Variants in RASA1 observed in about 807,000 individuals in gnomAD.
RASA1 encodes the protein RAS p21 protein activator 1.
In RASA1, 25 loss-of-function variants were observed where a neutral mutation model predicts 132.2. The observed-to-expected ratio is 0.19, with a 90% CI of 0.14 to 0.26. The LOEUF is 0.26. RASA1 is among the 10% of genes least tolerant of loss of function. The pLI, the probability that RASA1 is intolerant of heterozygous loss-of-function variation, is 1.00. For missense variants in RASA1, 964 were observed against 1,299.2 expected, an observed-to-expected ratio of 0.74 and a Z score of 3.97; for synonymous variants, 477 against 449.9, an observed-to-expected ratio of 1.06 and a Z score of -0.76.
intron 4 of RASA1, among the ~76,000 whole-genome samples, chr5:87,335,028 G>A (rs943535182): frequency 2.0e-5 from 3 of 152,094 alleles, no homozygotes; most frequent in African/African-American, 7.2e-5. Context: ...AATTACAGGC[G>A]TGTGTCACCA....
chr5:87,389,593 A>C, intron 24 of RASA1, 66 bp downstream of exon 24: 1 of 1,574,508 alleles, frequency 6.4e-7, no homozygotes, highest in Non-Finnish European at 8.7e-7. Context: ...GTTAATAAAT[A>C]GCTGAATTCT....
intron 15 of RASA1, 53 bp from the exon 16 acceptor site, chr5:87,376,340 A>T (rs1761325046): frequency 1.3e-6 from 2 of 1,595,226 alleles, no homozygotes; most frequent in Non-Finnish European, 1.7e-6. Context: ...TACTTGCATG[A>T]CTAATTATCG....
chr5:87,352,476 T>A (rs1434414363), intron 8 of RASA1, among the ~76,000 whole-genome samples: 1 of 151,790 alleles, frequency 6.6e-6, no homozygotes, highest in Non-Finnish European at 1.5e-5. Flanking sequence ...TCTTACTGAT[T>A]ATAGAGAAAC....
rs921723590 is a variant in RASA1, at chr5:87,364,157, T to C, written c.1610+653T>C. Among the ~76,000 whole-genome samples the C allele has an allele frequency of 7.9e-5, 12 of 152,102 alleles. No individual in the cohort carries two copies. In the South Asian group the frequency reaches 1.2e-3, roughly 16 times the overall value. ...CCATTTTTATTACCTATTGTTATGA[T>C]TAGTAAGAGAAAAGACAGTTAAATG... On this transcript the variant is annotated intron_variant, in intron 11 of 24. Transcript: ENST00000274376.
At chr5:87,366,790 G>A (rs1344042724) in intron 11 of RASA1, among the ~76,000 whole-genome samples, 1 of 152,162 alleles carries the variant, frequency 6.6e-6, no homozygotes, top group Non-Finnish European at 1.5e-5. Context: ...CCAGCACTTC[G>A]GGAGCCCAAG....
At chr5:87,318,889 C>T (rs1384844754) in intron 1 of RASA1, 3 of 152,220 alleles carry the variant, frequency 2.0e-5, no homozygotes, top group East Asian at 1.9e-4. Context: ...GTCCATTCCA[C>T]CTATGAGCCT....
intron 1 of RASA1, among the ~76,000 whole-genome samples, chr5:87,330,117 A>AT (rs1231227770): frequency 6.6e-6 from 1 of 152,132 alleles, no homozygotes; most frequent in Non-Finnish European, 1.5e-5. Context: ...TAAGTTCATT[A>AT]TTTTCAGCCT....
At chr5:87,312,211 T>C (rs1428851959) in intron 1 of RASA1, among the ~76,000 whole-genome samples, 1 of 152,224 alleles carries the variant, frequency 6.6e-6, no homozygotes, top group Non-Finnish European at 1.5e-5. Flanking sequence ...ATTTAACTTA[T>C]ATGTAACTTT....
At chr5:87,317,213 T>C (rs531699139) in intron 1 of RASA1, among the ~76,000 whole-genome samples, 5 of 152,298 alleles carry the variant, frequency 3.3e-5, no homozygotes, top group African/African-American at 1.2e-4. Context: ...ACTTCATCTG[T>C]ACTTTTATTA....
chr5:87,301,164 T>C (rs144605281), intron 1 of RASA1, among the ~76,000 whole-genome samples: 2 of 152,236 alleles, frequency 1.3e-5, no homozygotes, highest in African/African-American at 4.8e-5. Flanking sequence ...CACATTGTTA[T>C]AAAGTGTTTA....
At chr5:87,277,005 A>AT (rs961915180) in intron 1 of RASA1, among the ~76,000 whole-genome samples, 88 of 151,478 alleles carry the variant, frequency 5.8e-4, no homozygotes, top group African/African-American at 1.6e-3. Flanking sequence ...TTTATAATTC[A>AT]TTTTTTTTTA....
intron 1 of RASA1, among the ~76,000 whole-genome samples, chr5:87,283,332 A>G (rs931431135): frequency 6.6e-6 from 1 of 151,954 alleles, no homozygotes; most frequent in Admixed American, 6.6e-5. Context: ...TCTAATACAC[A>G]TCAACATTAA....
chr5:87,332,500 C>G lies in RASA1; in HGVS notation c.693-7C>G. ...TTTTTATACTGTATTTTTTCCTGTTCAAATAGGATTATTGCTATGTGTGGA... is the reference window on the plus strand; with the variant it reads ...TTTTTATACTGTATTTTTTCCTGTTGAAATAGGATTATTGCTATGTGTGGA... On this transcript the variant is annotated splice_polypyrimidine_tract_variant and splice_region_variant and intron_variant, in intron 2 of 24. Coordinates refer to ENST00000274376, the MANE Select transcript of RASA1 (RefSeq NM_002890.3). 2 of 1,603,902 alleles carry G rather than the reference C, an allele frequency of 1.2e-6. No individual in the cohort carries two copies. The highest frequency in any genetic ancestry group is 1.1e-5 in the South Asian group (1 of 90,324).
intron 1 of RASA1, among the ~76,000 whole-genome samples, chr5:87,286,827 CAT>C (rs112394164): frequency 0.032 from 4,797 of 150,384 alleles, 152 homozygotes; most frequent in African/African-American, 0.074. Flanking sequence ...CACACACTCA[CAT>C]ATATATATAC....
chr5:87,362,725 A>C, intron 10 of RASA1, 54 bp downstream of exon 10: 1 of 1,557,080 alleles, frequency 6.4e-7, no homozygotes, highest in East Asian at 2.3e-5. Context: ...GTAAATATGG[A>C]GCTCCGAACT....
intron 18 of RASA1, among the ~76,000 whole-genome samples, chr5:87,378,870 T>C (rs1025689912): frequency 1.8e-4 from 27 of 152,324 alleles, no homozygotes; most frequent in African/African-American, 5.5e-4. Context: ...ACTCATTATA[T>C]AACCTATGTA....
chr5:87,330,840 C>T (rs886793172), intron 1 of RASA1: 6 of 642,602 alleles, frequency 9.3e-6, no homozygotes, highest in African/African-American at 1.9e-5. Flanking sequence ...CACGTTCAAA[C>T]AGGAAATTAA....
chr5:87,363,910 A>G (rs1035904810), intron 11 of RASA1, among the ~76,000 whole-genome samples: 2 of 152,098 alleles, frequency 1.3e-5, no homozygotes, highest in African/African-American at 4.8e-5. Flanking sequence ...AAATAATCTT[A>G]AAATTGTCTT....
At chr5:87,390,357 G>A (rs1037989914) in intron 24 of RASA1, among the ~76,000 whole-genome samples, 2 of 152,100 alleles carry the variant, frequency 1.3e-5, no homozygotes, top group Non-Finnish European at 2.9e-5. Context: ...AGGGATTAAA[G>A]CATTGAGTTT....
Sources: gnomAD v4.1 joint callset for allele counts (sites outside exome capture counted in the v4.1 genomes callset) on GRCh38, gnomAD v4.1.1 for gene constraint, MANE v1.5 for transcripts, NCBI Gene and HGNC (gene_info 2026-07-23, HGNC 2026-07-21) for gene names.